Variants in TBX4 observed in about 807,000 individuals in gnomAD.
TBX4 encodes the protein T-box transcription factor 4.
A neutral mutation model predicts 54.6 loss-of-function variants in TBX4; 13 were observed. That is an observed-to-expected ratio of 0.24 (90% CI 0.15 to 0.38). The LOEUF (loss-of-function observed/expected upper bound fraction) is 0.38. Ranked by LOEUF, TBX4 falls within the 10% of genes least tolerant of loss-of-function variation. The pLI is 1.00. For missense variants in TBX4, 631 were observed against 728.5 expected, an observed-to-expected ratio of 0.87 and a Z score of 1.54; for synonymous variants, 314 against 306.7, an observed-to-expected ratio of 1.02 and a Z score of -0.25.
At chr17:61,455,162 C>A (rs2060437551) in intron 1 of TBX4, among the ~76,000 whole-genome samples, 1 of 152,222 alleles carries the variant, frequency 6.6e-6, no homozygotes, top group African/African-American at 2.4e-5. Context: ...TGGCCCCGGC[C>A]CCTTTTTATC....
chr17:61,480,373 T>G lies in TBX4; in HGVS notation c.1021+54T>G. On this transcript the variant is annotated intron_variant, in intron 8 of 8. Coordinates refer to ENST00000644296, the MANE Select transcript of TBX4 (RefSeq NM_001321120.2). This position sits in a 1 kb window ranked among gnomAD's most constrained non-coding sequence, Gnocchi z 6.2. ...GAGGGTAAGAGGAGCGGTGAGGTTC[T>G]CCCCGAAACCACTCTGCAGCGCCCC... 1 of 1,397,256 alleles carries G rather than the reference T, an allele frequency of 7.2e-7. No homozygotes were observed. Among genetic ancestry groups the G allele is most frequent in the Non-Finnish European group, 9.8e-7 (1 of 1,019,298 alleles). 86.6% of individuals were successfully genotyped at this position (1,397,256 alleles called of 1,614,324 possible).
intron 5 of TBX4, among the ~76,000 whole-genome samples, chr17:61,473,461 C>A (rs1018625225): frequency 6.6e-6 from 1 of 152,254 alleles, no homozygotes; most frequent in Non-Finnish European, 1.5e-5. Flanking sequence ...AAAGCCACTT[C>A]CCCTGCCAGG....
rs2060603329 is a variant in TBX4 at position 61,474,403 on chromosome 17, T to C, written c.550-4224T>C. On this transcript the variant is annotated intron_variant, in intron 5 of 8. Transcript: ENST00000644296. This position sits in a 1 kb window ranked among gnomAD's most constrained non-coding sequence, Gnocchi z 4.6. Reference sequence around the variant, plus strand: ...ACTGTGTCTCCAACCAGCTGTGTGTTCCTGGGCGAGTCACGTCTCCACTAC... The same window carrying C: ...ACTGTGTCTCCAACCAGCTGTGTGTCCCTGGGCGAGTCACGTCTCCACTAC... Among the ~76,000 whole-genome samples, 1 of 152,164 alleles carries C rather than the reference T, an allele frequency of 6.6e-6. No homozygotes were observed. The highest frequency in any genetic ancestry group is 6.5e-5 in the Admixed American group (1 of 15,282).
rs755033126 is a variant in TBX4, at chr17:61,460,889, G to A, written c.281+3258G>A. On this transcript the variant is annotated intron_variant, in intron 3 of 8. Coordinates refer to ENST00000644296, the MANE Select transcript of TBX4 (RefSeq NM_001321120.2). The surrounding 1 kb of genome is among the most constrained non-coding windows in gnomAD (Gnocchi z 4.4). ...CTTGTGTTAGTGACAGTGAATTTGC[G>A]TTTGAAAAATGAACTACCGATGAGA... Among the ~76,000 whole-genome samples, 5 of 152,160 alleles carry A rather than the reference G, an allele frequency of 3.3e-5. No homozygotes were observed. The highest frequency in any genetic ancestry group is 6.6e-5 in the Admixed American group (1 of 15,262).
intron 4 of TBX4, 76 bp downstream of exon 4, chr17:61,466,014 G>C: frequency 1.2e-6 from 2 of 1,600,234 alleles, no homozygotes; most frequent in South Asian, 1.1e-5. Context: ...TGTTTTGTCC[G>C]GGGGATTTCT....
rs1296277432 is a variant in TBX4 at position 61,484,767 on chromosome 17, A to C, written c.*1251A>C. On this transcript the variant is annotated 3_prime_UTR_variant, in exon 9 of 9. Transcript: ENST00000644296. This position sits in a 1 kb window ranked among gnomAD's most constrained non-coding sequence, Gnocchi z 4.1. ...ATATAAATAAATAAATATATATATT[A>C]TATATCGCTCTCTCTCACAAATGCA... The C allele has an allele frequency of 1.3e-5, 2 of 148,172 alleles. No homozygotes were observed. Among genetic ancestry groups the C allele is most frequent in the Non-Finnish European group, 3.0e-5 (2 of 67,162 alleles). 9.2% of individuals were successfully genotyped at this position (148,172 alleles called of 1,614,324 possible).
chr17:61,474,278 C>T lies in TBX4; in HGVS notation c.550-4349C>T, dbSNP rs1340034129. ...TTCTGTGTTCTGTAGGGCCTGCTGACCCAAGTCCCTTACAGTGTTTAATTG... is the reference window on the plus strand; with the variant it reads ...TTCTGTGTTCTGTAGGGCCTGCTGATCCAAGTCCCTTACAGTGTTTAATTG... On this transcript the variant is annotated intron_variant, in intron 5 of 8. Transcript: ENST00000644296. The surrounding 1 kb of genome is among the most constrained non-coding windows in gnomAD (Gnocchi z 4.6). 1.3e-5 allele frequency among the ~76,000 whole-genome samples: 2 copies of T among 152,190 alleles called. No individual in the cohort carries two copies. Among genetic ancestry groups the T allele is most frequent in the Non-Finnish European group, 2.9e-5 (2 of 68,034 alleles).
In TBX4 at chr17:61,475,030, G is replaced by A. The variant is rs540648563; in HGVS notation, c.550-3597G>A. Among the ~76,000 whole-genome samples the A allele has an allele frequency of 3.3e-5, 5 of 152,352 alleles. No homozygotes were observed. Among genetic ancestry groups the A allele is most frequent in the African/African-American group, 4.8e-5 (2 of 41,574 alleles). The stretch of plus-strand genomic sequence containing the variant: ...GAGAAGAGCTTGCTCAGGACTTGAC[G>A]CTGGTGAACAGAGATCATGACGGCG... On this transcript the variant is annotated intron_variant, in intron 5 of 8. Transcript: ENST00000644296. This position sits in a 1 kb window ranked among gnomAD's most constrained non-coding sequence, Gnocchi z 5.0.
chr17:61,469,943 T>G (rs1230280286), intron 5 of TBX4, among the ~76,000 whole-genome samples: 1 of 152,210 alleles, frequency 6.6e-6, no homozygotes, highest in East Asian at 1.9e-4. Flanking sequence ...GTTTTCAGCT[T>G]GCCCTGAAAG....
rs115252168 is a variant in TBX4 at position 61,466,013 on chromosome 17, C to T, written c.401+75C>T. Reference sequence around the variant, plus strand: ...CCACGCCCCCACCTAGTGTTTTGTCCGGGGGATTTCTTAGCTACCTGAGTG... The same window carrying T: ...CCACGCCCCCACCTAGTGTTTTGTCTGGGGGATTTCTTAGCTACCTGAGTG... On this transcript the variant is annotated intron_variant, in intron 4 of 8. Coordinates refer to ENST00000644296, the MANE Select transcript of TBX4 (RefSeq NM_001321120.2). The T allele has an allele frequency of 6.6e-4, 1,062 of 1,601,008 alleles. 5 individuals carry two copies. The African/African-American group carries it at 0.011, about 17-fold the overall frequency.
chr17:61,467,496 T>C lies in TBX4; in HGVS notation c.402-14T>C. The C allele has an allele frequency of 1.2e-6, 2 of 1,614,214 alleles. No individual in the cohort carries two copies. Among genetic ancestry groups the C allele is most frequent in the Non-Finnish European group, 1.7e-6 (2 of 1,180,044 alleles). ...CCTGGAGTAATCACCTGCTCTTATC[T>C]GCTCTGTTGGCAGGATGGTGGCAGG... On this transcript the variant is annotated splice_polypyrimidine_tract_variant and intron_variant, in intron 4 of 8. Coordinates refer to ENST00000644296, the MANE Select transcript of TBX4 (RefSeq NM_001321120.2).
chr17:61,480,292 C>T lies in TBX4; in HGVS notation c.994C>T (p.Leu332Phe). 1 of 1,613,980 alleles carries T rather than the reference C, an allele frequency of 6.2e-7. No individual in the cohort carries two copies. The highest frequency in any genetic ancestry group is 1.1e-5 in the South Asian group (1 of 91,080). Residue 332 changes from leucine to phenylalanine, a missense_variant, in exon 8 of 9, where the codon CTC becomes TTC. By Grantham distance (22) the Leu-to-Phe change is conservative. Around this residue, in one of 3 missense-constraint regions of TBX4, gnomAD observed 354 missense variants for 368.9 expected, o/e 0.96. Transcript: ENST00000644296. This position sits in a 1 kb window ranked among gnomAD's most constrained non-coding sequence, Gnocchi z 6.2. ...CTTTCCCACCCAGAGGGACTCAAGCCTCTTCTATCACTGCCTGAAAAGACG... is the reference window on the plus strand; with the variant it reads ...CTTTCCCACCCAGAGGGACTCAAGCTTCTTCTATCACTGCCTGAAAAGACG... ...STFPTQRDSS[L>F]FYHCLKRRAD...
rs899919476 is a variant in TBX4 at position 61,459,174 on chromosome 17, C to T, written c.281+1543C>T. Among the ~76,000 whole-genome samples the T allele has an allele frequency of 1.3e-5, 2 of 152,224 alleles. No homozygotes were observed. Among genetic ancestry groups the T allele is most frequent in the African/African-American group, 2.4e-5 (1 of 41,458 alleles). ...TGCGACATGGAGCAGGCATTGAGGA[C>T]AGTGGAAGCCAGGTGTCACAGGCCC... On this transcript the variant is annotated intron_variant, in intron 3 of 8. Coordinates refer to ENST00000644296, the MANE Select transcript of TBX4 (RefSeq NM_001321120.2). This position sits in a 1 kb window ranked among gnomAD's most constrained non-coding sequence, Gnocchi z 4.8.
At chr17:61,456,077 C>T (rs1334195753) in intron 1 of TBX4, among the ~76,000 whole-genome samples, 2 of 152,176 alleles carry the variant, frequency 1.3e-5, no homozygotes, top group Non-Finnish European at 2.9e-5. Flanking sequence ...GGTGTCCTGG[C>T]TGTCCTGGGC....
At position 61,460,104 on chromosome 17, in the gene TBX4, C is replaced by A. The variant is rs1003807900; in HGVS notation, c.281+2473C>A. 6.6e-5 allele frequency: 10 copies of A among 152,514 alleles called. No individual in the cohort carries two copies. Among genetic ancestry groups the A allele is most frequent in the African/African-American group, 2.4e-4 (10 of 41,446 alleles). 9.4% of individuals were successfully genotyped at this position (152,514 alleles called of 1,614,324 possible). On this transcript the variant is annotated intron_variant, in intron 3 of 8. Coordinates refer to ENST00000644296, the MANE Select transcript of TBX4 (RefSeq NM_001321120.2). The surrounding 1 kb of genome is among the most constrained non-coding windows in gnomAD (Gnocchi z 4.4). ...TAGAGCTGGAGGAGAACCAAGAGAA[C>A]GTAAACCAAACCCCAGAGAAGGGAA...
chr17:61,478,563 A>AG lies in TBX4; in HGVS notation c.550-62dup. On this transcript the variant is annotated intron_variant, in intron 5 of 8. Transcript: ENST00000644296. The surrounding 1 kb of genome is among the most constrained non-coding windows in gnomAD (Gnocchi z 7.4). ...AAACCAGGCCAGGGCCAGAAGAATG[A>AG]GGTCAAGGGCCTGGGGCTTGCGGAT... The AG allele has an allele frequency of 6.2e-7, 1 of 1,607,310 alleles. No homozygotes were observed. The highest frequency in any genetic ancestry group is 8.5e-7 in the Non-Finnish European group (1 of 1,173,908).
rs1207172727 is a variant in TBX4, at chr17:61,464,852, G to A, written c.282-967G>A. Among the ~76,000 whole-genome samples, 3 of 152,326 alleles carry A rather than the reference G, an allele frequency of 2.0e-5. No homozygotes were observed. In the East Asian group the frequency reaches 5.8e-4, roughly 29 times the overall value. On this transcript the variant is annotated intron_variant, in intron 3 of 8. Coordinates refer to ENST00000644296, the MANE Select transcript of TBX4 (RefSeq NM_001321120.2). The surrounding 1 kb of genome is among the most constrained non-coding windows in gnomAD (Gnocchi z 5.8). ...GCCTCGAACCTCAGGGCCCTTGACA[G>A]CCTCAGCATGGGCTGCAGGAAATGA...
Position 61,484,681 on chromosome 17 carries a change from C to T in TBX4, c.*1165C>T, listed in dbSNP as rs2060690587. The stretch of plus-strand genomic sequence containing the variant: ...AGGCCATCAGTGTGGCTGGGGTGAA[C>T]TCTCCATCAAACTTGGGAAATCACT... On this transcript the variant is annotated 3_prime_UTR_variant, in exon 9 of 9. Transcript: ENST00000644296. This position sits in a 1 kb window ranked among gnomAD's most constrained non-coding sequence, Gnocchi z 4.1. 1 of 151,684 alleles carries T rather than the reference C, an allele frequency of 6.6e-6. No individual in the cohort carries two copies. Among genetic ancestry groups the T allele is most frequent in the African/African-American group, 2.4e-5 (1 of 41,294 alleles). The allele number at this position is 151,684 out of a possible 1,614,324, so 9.4% of individuals were successfully genotyped here. A position where few individuals can be genotyped will look rare whatever the true frequency, so the allele number is the denominator to read the frequency against.
chr17:61,477,090 A>G (rs1405755244), intron 5 of TBX4, among the ~76,000 whole-genome samples: 2 of 152,218 alleles, frequency 1.3e-5, no homozygotes, highest in Non-Finnish European at 2.9e-5. Context: ...CCCAACGACC[A>G]ACCCAAGGAA....
Sources: allele counts gnomAD v4.1 joint callset (sites outside exome capture counted in the v4.1 genomes callset), GRCh38; gene constraint gnomAD v4.1.1; regional missense constraint gnomAD v4.1.1; non-coding constraint Gnocchi (gnomAD v3.1); transcripts MANE v1.5; gene names NCBI Gene and HGNC (gene_info 2026-07-23, HGNC 2026-07-21).